Variants in PALM2AKAP2 observed in about 807,000 individuals in gnomAD.
PALM2AKAP2 encodes PALM2 and AKAP2 fusion, also known as PALM2-AKAP2 fusion protein.
A neutral mutation model predicts 71.5 loss-of-function variants in PALM2AKAP2; 37 were observed. The observed-to-expected ratio is 0.52, with a 90% confidence interval of 0.40 to 0.68. The LOEUF is 0.68. PALM2AKAP2 is among the 30% of genes least tolerant of loss of function. PALM2AKAP2 has a pLI of 0.00. For missense variants in PALM2AKAP2, 1,224 were observed against 1,191.8 expected (o/e 1.03, Z -0.40); for synonymous variants, 468 against 478.8 (o/e 0.98, Z 0.29).
At chr9:109,829,686 C>T (rs1426338462) in intron 1 of PALM2AKAP2, among the ~76,000 whole-genome samples, 1 of 151,652 alleles carries the variant, frequency 6.6e-6, no homozygotes, top group African/African-American at 2.4e-5. Flanking sequence ...ATCCTCTCTC[C>T]TGGCCAGAGC....
intron 1 of PALM2AKAP2, among the ~76,000 whole-genome samples, chr9:109,751,556 A>G (rs1284379151): frequency 1.3e-5 from 2 of 151,690 alleles, no homozygotes; most frequent in African/African-American, 4.8e-5. Context: ...ACATAATAGT[A>G]AATCGTTTCT....
At chr9:109,682,350 G>A (rs1043588577) in intron 1 of PALM2AKAP2, among the ~76,000 whole-genome samples, 3 of 152,130 alleles carry the variant, frequency 2.0e-5, no homozygotes, top group Admixed American at 1.3e-4. Context: ...GAAAAATATT[G>A]CCTTGTACAT....
intron 6 of PALM2AKAP2, among the ~76,000 whole-genome samples, chr9:109,940,497 C>A (rs955823792): frequency 6.6e-6 from 1 of 152,112 alleles, no homozygotes; most frequent in Non-Finnish European, 1.5e-5. Flanking sequence ...AAGATATTTA[C>A]GTCTGGGATG....
intron 2 of PALM2AKAP2, among the ~76,000 whole-genome samples, chr9:109,869,383 C>T (rs1829542223): frequency 6.6e-6 from 1 of 152,088 alleles, no homozygotes; most frequent in Admixed American, 6.6e-5. Context: ...GGCTGGAGTT[C>T]AGTGGCATGA....
chr9:110,036,875 C>T (rs1833420047), intron 7 of PALM2AKAP2, among the ~76,000 whole-genome samples: 1 of 152,148 alleles, frequency 6.6e-6, no homozygotes, highest in Non-Finnish European at 1.5e-5. Context: ...TCACTTCCTT[C>T]CATTCTCCAG....
chr9:109,862,451 T>C (rs1041705369), intron 1 of PALM2AKAP2, among the ~76,000 whole-genome samples: 2 of 152,270 alleles, frequency 1.3e-5, no homozygotes, highest in Admixed American at 6.5e-5. Context: ...CTTGGAAAAA[T>C]TGCTACTCAG....
intron 1 of PALM2AKAP2, among the ~76,000 whole-genome samples, chr9:109,854,657 G>A (rs1423252615): frequency 6.7e-6 from 1 of 150,130 alleles, no homozygotes; most frequent in Non-Finnish European, 1.5e-5. Flanking sequence ...ATGCTATCCT[G>A]TAGCATGATC....
rs569855105 is a variant in PALM2AKAP2 at position 109,812,516 on chromosome 9, C to T, written c.45+31983C>T. Among the ~76,000 whole-genome samples, 607 of 152,226 alleles carry T rather than the reference C, an allele frequency of 4.0e-3. 14 individuals are homozygous for T. Among genetic ancestry groups the T allele is most frequent in the Non-Finnish European group, 6.9e-4 (47 of 68,012 alleles). On this transcript the variant is annotated intron_variant, in intron 1 of 9. Transcript: ENST00000302798. Reference sequence around the variant, plus strand: ...CGGCACAATTTGGGAAAGGAAGGGGCAGAAGAAGCAAGGCGCGGCTGATGA... The same window carrying T: ...CGGCACAATTTGGGAAAGGAAGGGGTAGAAGAAGCAAGGCGCGGCTGATGA...
At chr9:109,764,748 G>T (rs1829122307) in intron 1 of PALM2AKAP2, among the ~76,000 whole-genome samples, 1 of 152,154 alleles carries the variant, frequency 6.6e-6, no homozygotes, top group South Asian at 2.1e-4. Flanking sequence ...ACGGATGGAT[G>T]GATGGGATGG....
rs114734282 is a variant in PALM2AKAP2, at chr9:109,862,560, C to G, written c.46-4931C>G. Among the ~76,000 whole-genome samples, 601 of 152,288 alleles carry G rather than the reference C, an allele frequency of 3.9e-3. 1 individual carries two copies. Among genetic ancestry groups the G allele is most frequent in the African/African-American group, 0.014 (572 of 41,556 alleles). ...AGAAATGTCTCTAACTGGTGTTTCTCAGTTCACTTAGCTATCCCTTGGATC... is the reference window on the plus strand; with the variant it reads ...AGAAATGTCTCTAACTGGTGTTTCTGAGTTCACTTAGCTATCCCTTGGATC... On this transcript the variant is annotated intron_variant, in intron 1 of 9. Transcript: ENST00000302798.
intron 1 of PALM2AKAP2, among the ~76,000 whole-genome samples, chr9:109,845,382 G>C (rs1828827682): frequency 6.6e-6 from 1 of 152,222 alleles, no homozygotes; most frequent in Admixed American, 6.5e-5. Flanking sequence ...CAAAGTGCTT[G>C]ACTTGCAAAA....
intron 1 of PALM2AKAP2, among the ~76,000 whole-genome samples, chr9:110,095,024 T>G (rs1043379554): frequency 2.6e-5 from 4 of 152,142 alleles, no homozygotes; most frequent in Admixed American, 2.0e-4. Context: ...CATTACATTT[T>G]CCCCCTACCG....
At chr9:110,103,027 C>T (rs1169662872) in intron 1 of PALM2AKAP2, among the ~76,000 whole-genome samples, 1 of 152,266 alleles carries the variant, frequency 6.6e-6, no homozygotes, top group East Asian at 1.9e-4. Context: ...CCTGGAACAG[C>T]CTTCTACCCA....
intron 1 of PALM2AKAP2, among the ~76,000 whole-genome samples, chr9:109,641,873 G>C (rs1235675318): frequency 6.6e-6 from 1 of 152,192 alleles, no homozygotes; most frequent in Non-Finnish European, 1.5e-5. Context: ...CTGCGTATCT[G>C]ATTGTGTAGA....
chr9:109,903,762 C>T (rs192046931), intron 3 of PALM2AKAP2, among the ~76,000 whole-genome samples: 1 of 152,256 alleles, frequency 6.6e-6, no homozygotes, highest in Non-Finnish European at 1.5e-5. Flanking sequence ...AAGCCGCTCC[C>T]ACATAGCGAA....
intron 7 of PALM2AKAP2, among the ~76,000 whole-genome samples, chr9:110,018,507 T>A (rs1833020381): frequency 6.6e-6 from 1 of 152,016 alleles, no homozygotes. Context: ...ATTTTCGTAT[T>A]TTTAGTAAAG....
At chr9:109,951,415 A>C (rs549726834) in intron 6 of PALM2AKAP2, among the ~76,000 whole-genome samples, 1 of 152,240 alleles carries the variant, frequency 6.6e-6, no homozygotes, top group Non-Finnish European at 1.5e-5. Context: ...CTGTACTTGT[A>C]GCTTCTCTCT....
intron 5 of PALM2AKAP2, among the ~76,000 whole-genome samples, chr9:109,928,538 G>C (rs534115539): frequency 9.2e-5 from 14 of 152,232 alleles, no homozygotes; most frequent in Admixed American, 4.6e-4. Context: ...AAGCCTGTTT[G>C]TTACTCTTTG....
intron 1 of PALM2AKAP2, chr9:110,127,882 A>G: frequency 6.6e-6 from 1 of 152,056 alleles, no homozygotes; most frequent in Admixed American, 6.6e-5. Context: ...GGGAACTGGT[A>G]CTCACTCCCT....
Sources: allele counts gnomAD v4.1 joint callset (sites outside exome capture counted in the v4.1 genomes callset), GRCh38; gene constraint gnomAD v4.1.1; transcripts MANE v1.5; gene names NCBI Gene and HGNC (gene_info 2026-07-23, HGNC 2026-07-21).